Variants in MAPRE2 observed in about 807,000 individuals in gnomAD.
MAPRE2 encodes microtubule associated protein RP/EB family member 2.
Under a neutral mutation model 43.2 loss-of-function variants are expected in MAPRE2, and 13 were observed. That is an observed-to-expected ratio of 0.30 (90% CI 0.20 to 0.48). MAPRE2 has a LOEUF of 0.48. MAPRE2 is among the 20% of genes least tolerant of loss of function. The pLI, the probability that MAPRE2 is intolerant of heterozygous loss-of-function variation, is 0.99. For missense variants in MAPRE2, 161 were observed against 400.2 expected, an observed-to-expected ratio of 0.40 and a Z score of 5.10; for synonymous variants, 135 against 148.8, an observed-to-expected ratio of 0.91 and a Z score of 0.68.
At chr18:35,139,757 G>GTAACA (rs1027236074) in intron 6 of MAPRE2, among the ~76,000 whole-genome samples, 11 of 152,140 alleles carry the variant, frequency 7.2e-5, no homozygotes, top group African/African-American at 2.7e-4. Context: ...CATCAGGTTA[G>GTAACA]TAACATAACA....
Position 35,047,947 on chromosome 18 carries a change from C to T in MAPRE2, c.122+6286C>T, listed in dbSNP as rs376905478. Among the ~76,000 whole-genome samples the T allele has an allele frequency of 2.6e-5, 4 of 152,234 alleles. No homozygotes were observed. In the East Asian group the frequency reaches 7.7e-4, roughly 29 times the overall value. ...CAAAAACTCAAACTTTCTGTGATTT[C>T]TAGGCCTCTCTTTGTTCCAGCAGGT... On this transcript the variant is annotated intron_variant, in intron 1 of 6. Coordinates refer to ENST00000300249, the MANE Select transcript of MAPRE2 (RefSeq NM_014268.4).
chr18:35,140,174 A>G (rs1910566159), intron 6 of MAPRE2, 121 bp from the exon 7 acceptor site: 2 of 820,580 alleles, frequency 2.4e-6, no homozygotes, highest in Non-Finnish European at 3.9e-6. Context: ...AGTTGTGCCT[A>G]ACTAAGCCTG....
intron 2 of MAPRE2, among the ~76,000 whole-genome samples, chr18:35,012,982 T>C (rs752951814): frequency 5.3e-5 from 8 of 152,192 alleles, no homozygotes; most frequent in Non-Finnish European, 1.2e-4. Context: ...CAGTTGAGTA[T>C]GCTATCATGG....
chr18:34,990,707 C>A (rs1189484679), intron 1 of MAPRE2, among the ~76,000 whole-genome samples: 2 of 152,064 alleles, frequency 1.3e-5, no homozygotes, highest in Non-Finnish European at 2.9e-5. Context: ...TACTTCTACA[C>A]TGATGTTTCT....
intron 2 of MAPRE2, among the ~76,000 whole-genome samples, chr18:35,029,363 TG>T (rs970146483): frequency 1.3e-5 from 2 of 152,204 alleles, no homozygotes; most frequent in African/African-American, 4.8e-5. Flanking sequence ...AGCTCTGCCA[TG>T]GTACACACCA....
At chr18:35,026,198 G>A (rs1253178282) in intron 2 of MAPRE2, among the ~76,000 whole-genome samples, 2 of 152,130 alleles carry the variant, frequency 1.3e-5, no homozygotes, top group Admixed American at 1.3e-4. Context: ...CTGTCCCCCT[G>A]TGAAATGAAC....
At position 35,041,717 on chromosome 18, in the gene MAPRE2, T is replaced by G. The variant is rs1342823822; in HGVS notation, c.122+56T>G. 2.5e-6 allele frequency: 4 copies of G among 1,612,640 alleles called. No individual in the cohort carries two copies. The African/African-American group carries it at 4.0e-5, about 16-fold the overall frequency. On this transcript the variant is annotated intron_variant, in intron 1 of 6. Transcript: ENST00000300249. ...GGACCGCCGTGAGGGCGCGCGGAAA[T>G]CCAGCCCGTTATATAATGGAGCAGA...
chr18:35,019,050 A>T (rs1450121877), intron 2 of MAPRE2, among the ~76,000 whole-genome samples: 1 of 80,332 alleles, frequency 1.2e-5, no homozygotes. Context: ...GAATTTTTTT[A>T]GAATTTTTTT....
intron 1 of MAPRE2, among the ~76,000 whole-genome samples, chr18:34,977,616 C>T (rs1219068863): frequency 2.6e-5 from 4 of 152,196 alleles, no homozygotes; most frequent in Admixed American, 1.3e-4. Flanking sequence ...ATCCCCTGGA[C>T]CCCGGGCACT....
At chr18:35,123,627 C>T (rs11875526) in intron 4 of MAPRE2, among the ~76,000 whole-genome samples, 1,939 of 152,184 alleles carry the variant, frequency 0.013, 38 homozygotes, top group African/African-American at 0.045. Flanking sequence ...AAGAGGAAAC[C>T]AAGGAGGAGC....
At chr18:35,133,482 C>A (rs762399039) in intron 6 of MAPRE2, among the ~76,000 whole-genome samples, 14 of 152,106 alleles carry the variant, frequency 9.2e-5, no homozygotes, top group African/African-American at 1.2e-4. Flanking sequence ...GAGTGCTTGC[C>A]CTCTGTAAGC....
chr18:35,119,306 A>G (rs1164001079), intron 4 of MAPRE2, among the ~76,000 whole-genome samples: 1 of 152,188 alleles, frequency 6.6e-6, no homozygotes, highest in African/African-American at 2.4e-5. Context: ...TAGGCCTTCC[A>G]TGAAATTCCT....
intron 1 of MAPRE2, among the ~76,000 whole-genome samples, chr18:35,000,818 G>A (rs1054673842): frequency 5.3e-5 from 8 of 152,120 alleles, no homozygotes; most frequent in African/African-American, 1.9e-4. Context: ...AAACGCGAAG[G>A]GGGATTTTGC....
intron 1 of MAPRE2, among the ~76,000 whole-genome samples, chr18:35,004,821 G>A (rs1603389105): frequency 6.6e-6 from 1 of 151,998 alleles, no homozygotes; most frequent in South Asian, 2.1e-4. Flanking sequence ...GGGAGGCTGA[G>A]GAAGGAGAAT....
chr18:35,034,206 C>A (rs965470984), intron 2 of MAPRE2, among the ~76,000 whole-genome samples: 7 of 151,950 alleles, frequency 4.6e-5, no homozygotes, highest in Admixed American at 3.9e-4. Flanking sequence ...AGAAATAACG[C>A]CACATATCTA....
chr18:35,019,406 T>C (rs2097040558), intron 2 of MAPRE2, among the ~76,000 whole-genome samples: 3 of 151,940 alleles, frequency 2.0e-5, no homozygotes, highest in Admixed American at 2.0e-4. Context: ...GGTGGAGTAT[T>C]CTGTAGATGT....
chr18:35,071,905 A>G (rs553594390), intron 2 of MAPRE2, among the ~76,000 whole-genome samples: 6 of 152,364 alleles, frequency 3.9e-5, no homozygotes, highest in Admixed American at 3.9e-4. Flanking sequence ...GGTCTCAGAC[A>G]TGAAGTCTTG....
At chr18:35,131,539 G>A (rs1361378441) in intron 5 of MAPRE2, among the ~76,000 whole-genome samples, 6 of 152,020 alleles carry the variant, frequency 3.9e-5, no homozygotes, top group African/African-American at 4.8e-5. Context: ...GAATAAGCTC[G>A]ATTGGGCCTC....
At chr18:34,984,426 C>T (rs2150570566) in intron 1 of MAPRE2, 1 of 151,640 alleles carries the variant, frequency 6.6e-6, no homozygotes, top group South Asian at 2.1e-4. Context: ...ACTGAAAAGA[C>T]AAAGGGATTC....
Sources: allele counts gnomAD v4.1 joint callset (sites outside exome capture counted in the v4.1 genomes callset), GRCh38; gene constraint gnomAD v4.1.1; transcripts MANE v1.5; gene names NCBI Gene and HGNC (gene_info 2026-07-23, HGNC 2026-07-21).